NXPE2: variants seen among roughly 807,000 people sequenced by gnomAD.
NXPE2 encodes neurexophilin and PC-esterase domain family member 2.
Under a neutral mutation model 34.4 loss-of-function variants are expected in NXPE2, and 34 were observed. The ratio of observed to expected loss-of-function variants is 0.99; its 90% CI spans 0.75 to 1.31. The LOEUF is 1.31. NXPE2 is among the 40% of genes most tolerant of loss of function. The pLI is 0.00. For synonymous variants in NXPE2, 235 were observed against 231.3 expected, an observed-to-expected ratio of 1.02 and a Z score of -0.15; for missense variants, 649 against 672.5, an observed-to-expected ratio of 0.97 and a Z score of 0.39.
chr11:114,589,629 A>G, the NXPE2 span, among the ~76,000 whole-genome samples: 1 of 152,200 alleles, frequency 6.6e-6, no homozygotes, highest in Non-Finnish European at 1.5e-5. Context: ...GTGGAAGCTA[A>G]TATCAATCCA....
chr11:114,617,258 T>A, the NXPE2 span, among the ~76,000 whole-genome samples: 2 of 152,088 alleles, frequency 1.3e-5, no homozygotes, highest in Non-Finnish European at 2.9e-5. Context: ...TGTTACCTGG[T>A]GGATGATAAA....
chr11:114,642,506 G>A, the NXPE2 span, among the ~76,000 whole-genome samples: 1 of 151,656 alleles, frequency 6.6e-6, no homozygotes, highest in Non-Finnish European at 1.5e-5. Context: ...TCCCACTTAT[G>A]AGTGACAACA....
chr11:114,749,311 A>G, the NXPE2 span, among the ~76,000 whole-genome samples: 2 of 152,320 alleles, frequency 1.3e-5, no homozygotes, highest in East Asian at 3.9e-4. Flanking sequence ...ACACACATAC[A>G]TTTATGTATA....
the NXPE2 span, chr11:114,552,007 G>C: frequency 0.6 from 91,552 of 152,076 alleles, 29,349 homozygotes; most frequent in African/African-American, 0.84. Flanking sequence ...TGTGTGAAAG[G>C]TTTTGTGTGA....
chr11:114,644,250 T>TCGAA, the NXPE2 span, among the ~76,000 whole-genome samples: 1 of 152,182 alleles, frequency 6.6e-6, no homozygotes, highest in Admixed American at 6.6e-5. Flanking sequence ...CTTTATTTCT[T>TCGAA]TCTCTTGCCT....
At chr11:114,602,471 A>T in the NXPE2 span, among the ~76,000 whole-genome samples, 1 of 135,946 alleles carries the variant, frequency 7.4e-6, no homozygotes, top group African/African-American at 2.6e-5. Flanking sequence ...TATATAAATT[A>T]TAGATTATAT....
chr11:114,629,775 T>C, the NXPE2 span, among the ~76,000 whole-genome samples: 5 of 150,842 alleles, frequency 3.3e-5, no homozygotes, highest in Admixed American at 6.6e-5. Flanking sequence ...GAAAACCCCA[T>C]TGTCTCAGCC....
the NXPE2 span, among the ~76,000 whole-genome samples, chr11:114,490,038 C>A: frequency 5.9e-5 from 9 of 152,306 alleles, no homozygotes; most frequent in African/African-American, 2.2e-4. Context: ...GTGCAAAAAT[C>A]ACGAGCATTC....
At chr11:114,475,696 G>T in the NXPE2 span, among the ~76,000 whole-genome samples, 4 of 152,082 alleles carry the variant, frequency 2.6e-5, no homozygotes, top group African/African-American at 7.2e-5. Flanking sequence ...CATTTCCATG[G>T]TTAGCTCTCT....
the NXPE2 span, among the ~76,000 whole-genome samples, chr11:114,472,831 A>G: frequency 2.6e-4 from 39 of 152,318 alleles, no homozygotes; most frequent in African/African-American, 9.4e-4. Flanking sequence ...TGGCAAACAT[A>G]TGGGTTCATG....
chr11:114,551,568 A>G, the NXPE2 span: 1 of 219,242 alleles, frequency 4.6e-6, no homozygotes. Context: ...TTGGGGGAAG[A>G]TTAGGGATAG....
chr11:114,471,926 C>T, the NXPE2 span, among the ~76,000 whole-genome samples: 22 of 152,264 alleles, frequency 1.4e-4, no homozygotes, highest in African/African-American at 5.1e-4. Context: ...GCAGTGTATA[C>T]TTTATCTTAC....
At chr11:114,807,988 ACTGT>A in the NXPE2 span, among the ~76,000 whole-genome samples, 2 of 152,204 alleles carry the variant, frequency 1.3e-5, no homozygotes, top group African/African-American at 4.8e-5. Flanking sequence ...ATTATAACAA[ACTGT>A]CTCTCAGACC....
At chr11:114,470,416 T>C in the NXPE2 span, among the ~76,000 whole-genome samples, 3 of 152,232 alleles carry the variant, frequency 2.0e-5, no homozygotes, top group Admixed American at 6.5e-5. Context: ...TGTCTCATTG[T>C]AGTTTTAATT....
chr11:114,608,348 C>T, the NXPE2 span, among the ~76,000 whole-genome samples: 7 of 151,936 alleles, frequency 4.6e-5, no homozygotes, highest in African/African-American at 7.2e-5. Context: ...AGTGTTGCCA[C>T]GTGGGTAACA....
intron 2 of NXPE2, among the ~76,000 whole-genome samples, chr11:114,685,981 A>G (rs908948811): frequency 6.6e-6 from 1 of 152,094 alleles, no homozygotes; most frequent in African/African-American, 2.4e-5. Flanking sequence ...AGGAAAGGAA[A>G]TGTTCTGTAT....
chr11:114,592,003 A>G, the NXPE2 span, among the ~76,000 whole-genome samples: 8 of 152,336 alleles, frequency 5.3e-5, no homozygotes, highest in East Asian at 1.5e-3. Context: ...ATCTCAACAA[A>G]TTAGGCATGG....
intron 3 of NXPE2, among the ~76,000 whole-genome samples, chr11:114,703,431 A>G (rs1266556398): frequency 6.6e-6 from 1 of 152,194 alleles, no homozygotes; most frequent in African/African-American, 2.4e-5. Flanking sequence ...TAGAAATCCA[A>G]ATTCTTGAGA....
chr11:114,782,504 T>C, the NXPE2 span, among the ~76,000 whole-genome samples: 1 of 152,230 alleles, frequency 6.6e-6, no homozygotes, highest in Non-Finnish European at 1.5e-5. Context: ...CTTATGCTTT[T>C]ATAAAAGCCA....
Sources: allele counts gnomAD v4.1 joint callset (sites outside exome capture counted in the v4.1 genomes callset), GRCh38; gene constraint gnomAD v4.1.1; transcripts MANE v1.5; gene names NCBI Gene and HGNC (gene_info 2026-07-23, HGNC 2026-07-21).